Variants in SV2C observed in about 807,000 individuals in gnomAD.
SV2C encodes solute carrier family 22 member B3.
SV2C carries 49 observed loss-of-function variants against 79.7 expected under a neutral mutation model. The observed-to-expected ratio is 0.61, with a 90% CI of 0.49 to 0.78. The LOEUF (loss-of-function observed/expected upper bound fraction) is 0.78. Ranked by LOEUF, SV2C falls within the 30% of genes least tolerant of loss-of-function variation. The pLI is 0.00. For missense variants in SV2C, 833 were observed against 912.9 expected (o/e 0.91, Z 1.13); for synonymous variants, 334 against 333.2 (o/e 1.00, Z -0.03).
chr5:75,961,988 A>G, the SV2C span, among the ~76,000 whole-genome samples: 9 of 152,114 alleles, frequency 5.9e-5, no homozygotes, highest in Non-Finnish European at 1.2e-4. Context: ...AGTGACATTC[A>G]GATCCTCCCT....
intron 4 of SV2C, among the ~76,000 whole-genome samples, chr5:76,256,268 A>G (rs956852795): frequency 6.6e-6 from 1 of 152,186 alleles, no homozygotes; most frequent in Non-Finnish European, 1.5e-5. Context: ...ATGCAGACTC[A>G]TTGAGTGAAT....
the SV2C span, chr5:75,911,426 C>T: frequency 9.7e-7 from 1 of 1,027,964 alleles, no homozygotes; most frequent in Non-Finnish European, 1.5e-6. Flanking sequence ...AGTAGGCCTC[C>T]TCCACCCAGA....
chr5:76,086,639 C>CAGGT (rs10695665), intron 1 of SV2C, among the ~76,000 whole-genome samples: 88,152 of 151,614 alleles, frequency 0.58, 27,535 homozygotes, highest in African/African-American at 0.82. Flanking sequence ...CAGCCCCTGG[C>CAGGT]ATATATAGTT....
intron 2 of SV2C, among the ~76,000 whole-genome samples, chr5:76,171,908 G>A (rs1743288003): frequency 8.5e-6 from 1 of 118,146 alleles, no homozygotes; most frequent in African/African-American, 3.1e-5. Context: ...CCCCCCACCC[G>A]GCCAGCCGCC....
At chr5:75,979,263 A>T in the SV2C span, among the ~76,000 whole-genome samples, 1 of 152,138 alleles carries the variant, frequency 6.6e-6, no homozygotes, top group African/African-American at 2.4e-5. Flanking sequence ...AGAGGGTTAG[A>T]CTTCCATATA....
At chr5:76,036,894 G>GTTT in the SV2C span, among the ~76,000 whole-genome samples, 1 of 152,206 alleles carries the variant, frequency 6.6e-6, no homozygotes, top group Non-Finnish European at 1.5e-5. Flanking sequence ...ATCAGACGTA[G>GTTT]ATTTGGTCTT....
chr5:75,975,524 C>T, the SV2C span, among the ~76,000 whole-genome samples: 2 of 152,088 alleles, frequency 1.3e-5, no homozygotes, highest in African/African-American at 2.4e-5. Flanking sequence ...ATGTTGAATA[C>T]GATAATGTGC....
At chr5:75,881,609 G>T in the SV2C span, among the ~76,000 whole-genome samples, 1 of 151,908 alleles carries the variant, frequency 6.6e-6, no homozygotes, top group African/African-American at 2.4e-5. Flanking sequence ...GTCTGTTGTT[G>T]GTGTATAAGA....
chr5:76,164,721 AGTGTGTGTGT>A (rs10651569), intron 2 of SV2C, among the ~76,000 whole-genome samples: 21 of 141,794 alleles, frequency 1.5e-4, no homozygotes, highest in African/African-American at 4.8e-4. Context: ...GATGGAACTC[AGTGTGTGTGT>A]GTGTGTGTGT....
At chr5:76,191,120 T>C (rs1056403131) in intron 2 of SV2C, among the ~76,000 whole-genome samples, 6 of 152,044 alleles carry the variant, frequency 3.9e-5, no homozygotes, top group African/African-American at 7.2e-5. Context: ...ACAATCATGG[T>C]GGAAGGCAAA....
intron 9 of SV2C, among the ~76,000 whole-genome samples, chr5:76,298,560 T>C (rs549807493): frequency 6.6e-6 from 1 of 152,026 alleles, no homozygotes; most frequent in Non-Finnish European, 1.5e-5. Context: ...AAGTTAGGAG[T>C]GTCATCTCTT....
chr5:76,301,768 G>C (rs914262621), intron 12 of SV2C, among the ~76,000 whole-genome samples: 2 of 151,890 alleles, frequency 1.3e-5, no homozygotes, highest in South Asian at 4.2e-4. Flanking sequence ...AATTAGCCGG[G>C]TGTGGTGCCA....
intron 1 of SV2C, among the ~76,000 whole-genome samples, chr5:76,087,688 TA>T: frequency 6.6e-6 from 1 of 152,306 alleles, no homozygotes; most frequent in East Asian, 1.9e-4. Flanking sequence ...GGGAACCACA[TA>T]TGCAGATGCA....
chr5:75,949,250 A>G, the SV2C span, among the ~76,000 whole-genome samples: 63 of 152,174 alleles, frequency 4.1e-4, no homozygotes, highest in African/African-American at 1.4e-3. Flanking sequence ...CTGTGAGCCA[A>G]TTAAACCTCT....
intron 4 of SV2C, among the ~76,000 whole-genome samples, chr5:76,240,056 A>C (rs1745735152): frequency 6.6e-6 from 1 of 152,174 alleles, no homozygotes; most frequent in African/African-American, 2.4e-5. Flanking sequence ...TGCACCATTC[A>C]TCAAATATTG....
chr5:76,238,304 A>ATGTGTG (rs112691264), intron 4 of SV2C, among the ~76,000 whole-genome samples: 88 of 149,640 alleles, frequency 5.9e-4, no homozygotes, highest in African/African-American at 1.7e-3. Flanking sequence ...GTGTGTGTGT[A>ATGTGTG]TGTGTGTGTG....
downstream of SV2C, among the ~76,000 whole-genome samples, chr5:76,336,200 T>C (rs544457154): frequency 0.05 from 7,393 of 148,788 alleles, 588 homozygotes; most frequent in African/African-American, 0.18. Flanking sequence ...GAGACGCTCC[T>C]CACTTCCCAG....
At chr5:76,287,682 A>T (rs1411891688) in intron 6 of SV2C, among the ~76,000 whole-genome samples, 3 of 152,346 alleles carry the variant, frequency 2.0e-5, no homozygotes, top group African/African-American at 7.2e-5. Context: ...CTCTAGTTAC[A>T]AAGCTGATTC....
the SV2C span, among the ~76,000 whole-genome samples, chr5:76,076,821 G>C: frequency 6.6e-6 from 1 of 152,192 alleles, no homozygotes; most frequent in South Asian, 2.1e-4. Context: ...GAGGTAGGGA[G>C]CATTGATCTC....
Sources: gnomAD v4.1 joint callset for allele counts (sites outside exome capture counted in the v4.1 genomes callset) on GRCh38, gnomAD v4.1.1 for gene constraint, MANE v1.5 for transcripts, NCBI Gene and HGNC (gene_info 2026-07-23, HGNC 2026-07-21) for gene names.